The following BICC1 variants were observed in gnomAD, a reference collection of about 807,000 sequenced individuals.
The protein encoded by BICC1 is BicC family RNA binding protein 1, also known as protein bicaudal C homolog 1.
Under a neutral mutation model 111.0 loss-of-function variants are expected in BICC1, and 43 were observed. The ratio of observed to expected loss-of-function variants is 0.39; its 90% CI spans 0.30 to 0.50. BICC1 has a LOEUF of 0.50. BICC1 is among the 20% of genes least tolerant of loss of function. The pLI, the probability that BICC1 is intolerant of heterozygous loss-of-function variation, is 0.88. For missense variants in BICC1, 1,091 were observed against 1,203.2 expected, an observed-to-expected ratio of 0.91 and a Z score of 1.38; for synonymous variants, 467 against 434.4, an observed-to-expected ratio of 1.07 and a Z score of -0.93.
chr10:58,515,379 C>T (rs1301547398), intron 1 of BICC1, among the ~76,000 whole-genome samples: 1 of 152,128 alleles, frequency 6.6e-6, no homozygotes, highest in African/African-American at 2.4e-5. Flanking sequence ...GCCTGCTACA[C>T]CTACTACCTA....
intron 9 of BICC1, 64 bp from the exon 10 acceptor site, chr10:58,796,276 C>T (rs1024995486): frequency 2.5e-5 from 35 of 1,392,954 alleles, no homozygotes; most frequent in South Asian, 5.2e-5. Flanking sequence ...ACCTCCCTCC[C>T]CTCCCCCATT....
intron 7 of BICC1, 30 bp from the exon 8 acceptor site, chr10:58,789,652 G>C: frequency 6.2e-7 from 1 of 1,612,320 alleles, no homozygotes; most frequent in Non-Finnish European, 8.5e-7. Context: ...TAATGTATAG[G>C]ATTATTTCTT....
intron 1 of BICC1, among the ~76,000 whole-genome samples, chr10:58,543,944 C>CA (rs2091632646): frequency 6.6e-6 from 1 of 151,520 alleles, no homozygotes; most frequent in South Asian, 2.1e-4. Flanking sequence ...AGAAACTACT[C>CA]AAACGTTTTA....
chr10:58,760,718 A>G (rs1201899788), intron 3 of BICC1, among the ~76,000 whole-genome samples: 2 of 152,172 alleles, frequency 1.3e-5, no homozygotes. Flanking sequence ...TCAAAGGAGA[A>G]TCATAGATTT....
intron 3 of BICC1, among the ~76,000 whole-genome samples, chr10:58,778,127 C>A (rs545095899): frequency 1.3e-5 from 2 of 152,058 alleles, no homozygotes; most frequent in African/African-American, 4.8e-5. Flanking sequence ...GTGGGAGGAT[C>A]GCTTGAGTCT....
chr10:58,642,598 G>A (rs1252524272), intron 2 of BICC1, among the ~76,000 whole-genome samples: 1 of 152,086 alleles, frequency 6.6e-6, no homozygotes, highest in East Asian at 1.9e-4. Flanking sequence ...AAGTGTGGTT[G>A]ACTGTACAAC....
In BICC1 at chr10:58,800,874, T is replaced by C. The variant is rs777617247; in HGVS notation, c.1859-16T>C. On this transcript the variant is annotated splice_polypyrimidine_tract_variant and intron_variant, in intron 13 of 20. Transcript: ENST00000373886. Reference sequence around the variant, plus strand: ...GTTGTTTAGGTGTTTCACTTTTTTTTCCTTTTCCTCTGCAGGTTGTAATGA... The same window carrying C: ...GTTGTTTAGGTGTTTCACTTTTTTTCCCTTTTCCTCTGCAGGTTGTAATGA... The C allele has an allele frequency of 4.8e-5, 76 of 1,573,066 alleles. No individual in the cohort carries two copies. The highest frequency in any genetic ancestry group is 6.4e-5 in the Non-Finnish European group (74 of 1,162,130).
chr10:58,789,527 A>C lies in BICC1; in HGVS notation c.795+71A>C. The C allele has an allele frequency of 2.6e-6, 4 of 1,514,180 alleles. No individual in the cohort carries two copies. The East Asian group carries it at 9.1e-5, about 34-fold the overall frequency. The allele number at this position is 1,514,180 out of a possible 1,614,324, so 93.8% of individuals were successfully genotyped here. ...ATGAGTTTCATTTTTAAAGAATATT[A>C]GACTAATTTGATTTCCAGAATTTTC... On this transcript the variant is annotated intron_variant, in intron 7 of 20. Transcript: ENST00000373886.
At chr10:58,653,421 C>T (rs1838514703) in intron 2 of BICC1, among the ~76,000 whole-genome samples, 2 of 152,024 alleles carry the variant, frequency 1.3e-5, no homozygotes, top group African/African-American at 4.8e-5. Context: ...ACATTCACAC[C>T]AAGACTGTGG....
chr10:58,513,463 C>G, intron 1 of BICC1, 130 bp downstream of exon 1: 6 of 888,820 alleles, frequency 6.8e-6, no homozygotes, highest in Non-Finnish European at 9.7e-6. Context: ...CCCGCTCCCC[C>G]GCGGAGCCGG....
At chr10:58,718,018 ATC>A (rs1840803675) in intron 3 of BICC1, among the ~76,000 whole-genome samples, 1 of 152,218 alleles carries the variant, frequency 6.6e-6, no homozygotes, top group South Asian at 2.1e-4. Flanking sequence ...GCATTGTTTA[ATC>A]TGTTTGTGGA....
Position 58,796,323 on chromosome 10 carries a change from A to T in BICC1, c.1180-17A>T. The T allele has an allele frequency of 6.2e-7, 1 of 1,601,962 alleles. No individual in the cohort carries two copies. Among genetic ancestry groups the T allele is most frequent in the Admixed American group, 1.7e-5 (1 of 58,878 alleles). ...ACTTGCATGTCACCTTTTTTCCCCC[A>T]TTATGTGTTTTCATAGTCTGTGATT... On this transcript the variant is annotated splice_polypyrimidine_tract_variant and intron_variant, in intron 9 of 20. Coordinates refer to ENST00000373886, the MANE Select transcript of BICC1 (RefSeq NM_001080512.3).
chr10:58,593,741 G>T (rs1176920337), intron 1 of BICC1, among the ~76,000 whole-genome samples: 1 of 152,028 alleles, frequency 6.6e-6, no homozygotes, highest in Admixed American at 6.6e-5. Context: ...AAACACCAAA[G>T]GTAGATAAAT....
At chr10:58,746,329 G>A (rs1336972703) in intron 3 of BICC1, among the ~76,000 whole-genome samples, 2 of 152,116 alleles carry the variant, frequency 1.3e-5, no homozygotes, top group Admixed American at 6.6e-5. Flanking sequence ...ATTTACAAAT[G>A]TTTTCATAAA....
intron 2 of BICC1, among the ~76,000 whole-genome samples, chr10:58,658,852 T>A (rs1025268982): frequency 2.0e-5 from 3 of 152,076 alleles, no homozygotes; most frequent in Non-Finnish European, 4.4e-5. Context: ...GTGCCCCAGC[T>A]CTGATCCTTT....
chr10:58,602,880 T>C (rs530630814), intron 1 of BICC1, among the ~76,000 whole-genome samples: 1 of 152,200 alleles, frequency 6.6e-6, no homozygotes, highest in Non-Finnish European at 1.5e-5. Flanking sequence ...TTTGTTTGCA[T>C]GTCCACACTT....
intron 3 of BICC1, among the ~76,000 whole-genome samples, chr10:58,736,283 T>G (rs1412585182): frequency 6.6e-6 from 1 of 152,218 alleles, no homozygotes; most frequent in African/African-American, 2.4e-5. Flanking sequence ...TACCACCTTA[T>G]GTAATGATAA....
At chr10:58,747,940 G>C (rs1212188215) in intron 3 of BICC1, among the ~76,000 whole-genome samples, 2 of 152,106 alleles carry the variant, frequency 1.3e-5, no homozygotes, top group Non-Finnish European at 2.9e-5. Context: ...TACGGAGGCA[G>C]AGTTGACTAG....
intron 2 of BICC1, among the ~76,000 whole-genome samples, chr10:58,649,284 G>A (rs1212245070): frequency 1.3e-5 from 2 of 152,146 alleles, no homozygotes; most frequent in Non-Finnish European, 2.9e-5. Context: ...GTGCCCCAAT[G>A]CCTATGAAAA....
Sources: allele counts gnomAD v4.1 joint callset (sites outside exome capture counted in the v4.1 genomes callset), GRCh38; gene constraint gnomAD v4.1.1; transcripts MANE v1.5; gene names NCBI Gene and HGNC (gene_info 2026-07-23, HGNC 2026-07-21).